Variants in LPA observed in about 807,000 individuals in gnomAD.
LPA encodes the protein lipoprotein(a).
A neutral mutation model predicts 197.9 loss-of-function variants in LPA; 199 were observed. That is an observed-to-expected ratio of 1.01 (90% CI 0.90 to 1.13). The LOEUF is 1.13. Among genes scored for constraint, LPA ranks in the 50% most tolerant of loss-of-function variants. The probability of loss-of-function intolerance (pLI) is 0.00; values close to 1 mark genes in which losing one functional copy is unlikely to be tolerated. For missense variants in LPA, 1,853 were observed against 1,785.8 expected, an observed-to-expected ratio of 1.04 and a Z score of -0.68; for synonymous variants, 715 against 639.5, an observed-to-expected ratio of 1.12 and a Z score of -1.78.
intron 28 of LPA, among the ~76,000 whole-genome samples, chr6:160,573,726 G>T (rs1160763733): frequency 6.6e-6 from 1 of 152,172 alleles, no homozygotes. Context: ...AGTCTACCCA[G>T]CTCTGGGCTG....
chr6:160,582,180 T>C (rs1778814232), intron 26 of LPA, among the ~76,000 whole-genome samples: 1 of 152,116 alleles, frequency 6.6e-6, no homozygotes, highest in African/African-American at 2.4e-5. Context: ...CTTTTCACTC[T>C]AAAGGTGTTA....
At chr6:160,590,047 A>C (rs1347667211) in intron 23 of LPA, among the ~76,000 whole-genome samples, 2 of 152,348 alleles carry the variant, frequency 1.3e-5, no homozygotes, top group African/African-American at 4.8e-5. Flanking sequence ...AGTGCCATGC[A>C]TCAGGCGGTG....
At chr6:160,569,343 C>G (rs532548885) in intron 28 of LPA, among the ~76,000 whole-genome samples, 2 of 151,990 alleles carry the variant, frequency 1.3e-5, no homozygotes, top group Non-Finnish European at 2.9e-5. Flanking sequence ...CTACAACCAT[C>G]TGATCTATGA....
At chr6:160,586,391 T>G in intron 25 of LPA, 58 bp downstream of exon 25, 5 of 1,588,694 alleles carry the variant, frequency 3.1e-6, no homozygotes, top group Non-Finnish European at 4.3e-6. Context: ...ACAAAGATTT[T>G]GCAAATCTTT....
chr6:160,647,238 G>C (rs6905823), intron 2 of LPA, among the ~76,000 whole-genome samples: 7,212 of 152,246 alleles, frequency 0.047, 562 homozygotes, highest in African/African-American at 0.16. Context: ...ATCTGAAGAG[G>C]TCGGACAGCT....
chr6:160,648,399 T>C lies in LPA; in HGVS notation c.209+1939A>G, dbSNP rs117812030. Among the ~76,000 whole-genome samples the C allele has an allele frequency of 1.9e-3, 286 of 152,346 alleles. 1 individual carries two copies. The highest frequency in any genetic ancestry group is 3.1e-3 in the Admixed American group (47 of 15,298). On this transcript the variant is annotated intron_variant, in intron 2 of 38. Transcript: ENST00000316300. ...GTCCGTGATTTTTTAATCTTCTTTA[T>C]ATTTGGAAAATTTTCAGCCATCCTT...
At position 160,542,774 on chromosome 6, in the gene LPA, C is replaced by T. The variant is rs1177257179; in HGVS notation, c.5433G>A (p.Val1811=). The T allele has an allele frequency of 1.2e-6, 2 of 1,614,130 alleles. No homozygotes were observed. Among genetic ancestry groups the T allele is most frequent in the South Asian group, 1.1e-5 (1 of 91,084 alleles). The change falls in exon 34 of 39, where the codon GTG becomes GTA. Residue 1811 remains valine (V), a synonymous_variant. Transcript: ENST00000316300. ...SSSFDCGKPQ[V]EPKKCPGSIV... ...TGCTTCCAGGACATTTCTTCGGCTC[C>T]ACTTGAGGCTTCCCACAATCAAATG...
chr6:160,550,558 G>A (rs1338650846), intron 30 of LPA, among the ~76,000 whole-genome samples: 2 of 152,150 alleles, frequency 1.3e-5, no homozygotes, highest in Non-Finnish European at 2.9e-5. Context: ...ATAGTCAAAT[G>A]CACAGATCTT....
chr6:160,593,441 A>C (rs921966809), intron 22 of LPA, among the ~76,000 whole-genome samples: 6 of 152,080 alleles, frequency 3.9e-5, no homozygotes, highest in African/African-American at 9.7e-5. Context: ...CTGCCTTCCT[A>C]CTTTTGCCCC....
At position 160,602,342 on chromosome 6, in the gene LPA, C is replaced by T. The variant is rs368618740; in HGVS notation, c.2946-1244G>A. 6.0e-4 allele frequency among the ~76,000 whole-genome samples: 91 copies of T among 152,300 alleles called. No individual in the cohort carries two copies. The South Asian group carries it at 0.018, about 31-fold the overall frequency. ...CAATATCCCTTTGGACCCACAAATT[C>T]AACCTTTCATTAATATTACATACCA... On this transcript the variant is annotated intron_variant, in intron 18 of 38. Transcript: ENST00000316300.
Position 160,605,203 on chromosome 6 carries a change from G to T in LPA, c.2788C>A (p.Pro930Thr). The T allele has an allele frequency of 6.2e-7, 1 of 1,613,494 alleles. No individual in the cohort carries two copies. The highest frequency in any genetic ancestry group is 8.5e-7 in the Non-Finnish European group (1 of 1,179,830). ...PSLEAPSEQA[P>T]TEQRPGVQEC... is the part of the protein sequence containing the mutation. ...TGCACCCCAGGCCTTTGCTCAGTTG[G>T]TGCTGAAATGAAAAGAAAAGAAATC... The change falls in exon 18 of 39, where the codon CCA becomes ACA. Residue 930 changes from proline (P) to threonine (T), a missense_variant and splice_region_variant. This residue lies in a region of LPA where 1,737 missense variants were observed against 1,504.4 expected (regional missense o/e 1.15). Transcript: ENST00000316300.
At position 160,581,494 on chromosome 6, in the gene LPA, G is replaced by T. The variant is rs1460005439; in HGVS notation, c.4290-2790C>A. Among the ~76,000 whole-genome samples, 3 of 152,024 alleles carry T rather than the reference G, an allele frequency of 2.0e-5. No homozygotes were observed. The South Asian group carries it at 6.2e-4, about 32-fold the overall frequency. On this transcript the variant is annotated intron_variant, in intron 26 of 38. Coordinates refer to ENST00000316300, the MANE Select transcript of LPA (RefSeq NM_005577.4). ...TTTTTAAATATTTGTAGAGATGAGG[G>T]TCTTGCTATGTTGCCCAGGCTTGTC...
chr6:160,587,822 T>A (rs1778943986), intron 24 of LPA, among the ~76,000 whole-genome samples: 1 of 151,326 alleles, frequency 6.6e-6, no homozygotes, highest in Non-Finnish European at 1.5e-5. Flanking sequence ...GGTCTGTCTG[T>A]CTGTCCTGTG....
At chr6:160,579,244 T>C (rs1778744554) in intron 26 of LPA, among the ~76,000 whole-genome samples, 1 of 152,154 alleles carries the variant, frequency 6.6e-6, no homozygotes, top group Non-Finnish European at 1.5e-5. Flanking sequence ...GCATAAATGC[T>C]CTACATTTGC....
chr6:160,561,411 G>A (rs1778359819), intron 28 of LPA, among the ~76,000 whole-genome samples: 1 of 152,118 alleles, frequency 6.6e-6, no homozygotes. Flanking sequence ...CCTCTGTTCT[G>A]TTCTATTGGT....
At chr6:160,646,724 GAAT>G (rs1779886845) in intron 2 of LPA, among the ~76,000 whole-genome samples, 1 of 139,042 alleles carries the variant, frequency 7.2e-6, no homozygotes, top group South Asian at 2.5e-4. Flanking sequence ...CATCTCTCTG[GAAT>G]AACTGGTATG....
rs1401264431 is a variant in LPA at position 160,584,965 on chromosome 6, G to C, written c.4289+81C>G. 4.2e-6 allele frequency: 6 copies of C among 1,442,352 alleles called. No individual in the cohort carries two copies. In the African/African-American group the frequency reaches 4.2e-5, roughly 10 times the overall value. The allele number at this position is 1,442,352 out of a possible 1,614,324, so 89.3% of individuals were successfully genotyped here. On this transcript the variant is annotated intron_variant, in intron 26 of 38. Coordinates refer to ENST00000316300, the MANE Select transcript of LPA (RefSeq NM_005577.4). ...GAGTCTATGAGAAATTTGGACCTAG[G>C]AAGTGAGCTTGTAGCATGGGCCAGC... is the stretch of plus-strand genomic sequence containing the variant.
At chr6:160,551,911 T>C (rs916256702) in intron 30 of LPA, among the ~76,000 whole-genome samples, 4 of 145,056 alleles carry the variant, frequency 2.8e-5, no homozygotes, top group African/African-American at 7.7e-5. Context: ...ATAACACATA[T>C]CCTTTTTTTT....
At chr6:160,571,174 T>G (rs1179516732) in intron 28 of LPA, among the ~76,000 whole-genome samples, 1 of 152,192 alleles carries the variant, frequency 6.6e-6, no homozygotes, top group Non-Finnish European at 1.5e-5. Flanking sequence ...TTGATACTTG[T>G]GTATGTGTCA....
Sources: gnomAD v4.1 joint callset for allele counts (sites outside exome capture counted in the v4.1 genomes callset) on GRCh38, gnomAD v4.1.1 for gene constraint, gnomAD v4.1.1 regional missense constraint, MANE v1.5 for transcripts, NCBI Gene and HGNC (gene_info 2026-07-23, HGNC 2026-07-21) for gene names.